FSHR: variants seen among roughly 807,000 people sequenced by gnomAD.
FSHR encodes the protein follicle-stimulating hormone receptor.
A neutral mutation model predicts 52.1 loss-of-function variants in FSHR; 46 were observed. The observed-to-expected ratio is 0.88, with a 90% CI of 0.70 to 1.13. The LOEUF is 1.13. Ranked by LOEUF, FSHR falls within the 50% of genes most tolerant of loss-of-function variation. The pLI, the probability that FSHR is intolerant of heterozygous loss-of-function variation, is 0.00. For missense variants in FSHR, 964 were observed against 834.6 expected, an observed-to-expected ratio of 1.16 and a Z score of -1.91; for synonymous variants, 399 against 309.6, an observed-to-expected ratio of 1.29 and a Z score of -3.03.
intron 2 of FSHR, among the ~76,000 whole-genome samples, chr2:49,042,735 C>T (rs1668519999): frequency 6.6e-6 from 1 of 152,172 alleles, no homozygotes; most frequent in African/African-American, 2.4e-5. Flanking sequence ...TGAGGTTTGT[C>T]ATTCCTAGAC....
chr2:49,043,977 A>G (rs1668569945), intron 2 of FSHR, among the ~76,000 whole-genome samples: 1 of 152,162 alleles, frequency 6.6e-6, no homozygotes, highest in Non-Finnish European at 1.5e-5. Context: ...ACGTCTTTCA[A>G]CTGCTTTGGC....
chr2:48,968,906 T>C (rs369531965), intron 8 of FSHR, 23 bp from the exon 9 acceptor site: 20 of 1,606,540 alleles, frequency 1.2e-5, no homozygotes, highest in Non-Finnish European at 1.6e-5. Context: ...AAGGTAAATA[T>C]AACAGGATTA....
intron 1 of FSHR, among the ~76,000 whole-genome samples, chr2:49,105,406 C>T (rs1671187344): frequency 6.6e-6 from 1 of 152,072 alleles, no homozygotes; most frequent in Non-Finnish European, 1.5e-5. Flanking sequence ...AGTTCAAGGG[C>T]AAGGTGAGGG....
intron 2 of FSHR, 41 bp from the exon 3 acceptor site, chr2:49,020,201 C>G: frequency 6.7e-7 from 1 of 1,493,998 alleles, no homozygotes; most frequent in Admixed American, 1.7e-5. Context: ...AGTTCAGTTA[C>G]ACTCCTTGAA....
intron 1 of FSHR, among the ~76,000 whole-genome samples, chr2:49,087,879 T>A (rs1670459244): frequency 6.6e-6 from 1 of 152,214 alleles, no homozygotes; most frequent in Non-Finnish European, 1.5e-5. Flanking sequence ...CCAATTTTAA[T>A]TATATTGAGA....
intron 1 of FSHR, among the ~76,000 whole-genome samples, chr2:49,128,002 C>T (rs554186428): frequency 1.3e-5 from 2 of 150,896 alleles, no homozygotes; most frequent in Admixed American, 6.6e-5. Context: ...AAGCAATTCT[C>T]AGGCCTCAGC....
At chr2:48,981,318 A>AACTTTCCT (rs1675238534) in intron 8 of FSHR, among the ~76,000 whole-genome samples, 1 of 152,168 alleles carries the variant, frequency 6.6e-6, no homozygotes, top group Non-Finnish European at 1.5e-5. Context: ...TATGAGGAGG[A>AACTTTCCT]ACTTTCCTTT....
chr2:49,025,500 C>T (rs1403625788), intron 2 of FSHR, among the ~76,000 whole-genome samples: 1 of 151,944 alleles, frequency 6.6e-6, no homozygotes, highest in Non-Finnish European at 1.5e-5. Flanking sequence ...ATGTTGTATA[C>T]CTTGTGATAT....
intron 2 of FSHR, among the ~76,000 whole-genome samples, chr2:49,065,768 C>T (rs1400401407): frequency 6.6e-6 from 1 of 151,558 alleles, no homozygotes; most frequent in African/African-American, 2.4e-5. Context: ...AAGAAAATGG[C>T]CAAAAAATAG....
At chr2:49,061,713 T>C (rs1043088921) in intron 2 of FSHR, among the ~76,000 whole-genome samples, 1 of 141,268 alleles carries the variant, frequency 7.1e-6, no homozygotes, top group Admixed American at 7.3e-5. Context: ...ATATTATATA[T>C]AACTATATAT....
intron 2 of FSHR, among the ~76,000 whole-genome samples, chr2:49,058,112 C>T (rs574096620): frequency 6.6e-6 from 1 of 152,234 alleles, no homozygotes; most frequent in Admixed American, 6.5e-5. Flanking sequence ...TGGAATGTTA[C>T]AATAATTCCC....
intron 1 of FSHR, among the ~76,000 whole-genome samples, chr2:49,127,223 G>T (rs1171838007): frequency 2.6e-5 from 4 of 152,002 alleles, no homozygotes; most frequent in Admixed American, 6.6e-5. Flanking sequence ...AGCTACTTGG[G>T]AGGCTGAGGC....
chr2:49,038,657 A>G (rs889771976), intron 2 of FSHR, among the ~76,000 whole-genome samples: 3 of 146,986 alleles, frequency 2.0e-5, no homozygotes, highest in Non-Finnish European at 4.5e-5. Context: ...TAATAATAAT[A>G]ATAATAATAA....
chr2:49,129,753 C>A lies in FSHR; in HGVS notation c.152+24513G>T, dbSNP rs571487189. On this transcript the variant is annotated intron_variant, in intron 1 of 9. Coordinates refer to ENST00000406846, the MANE Select transcript of FSHR (RefSeq NM_000145.4). ...ATGAGATAATGTGTTATCTCAAAAA[C>A]CTTTAGTTTATATAGTATTCTCATA... Among the ~76,000 whole-genome samples the A allele has an allele frequency of 2.0e-5, 3 of 152,210 alleles. No homozygotes were observed. In the South Asian group the frequency reaches 6.2e-4, roughly 32 times the overall value.
At chr2:49,086,974 G>A (rs951534973) in intron 1 of FSHR, among the ~76,000 whole-genome samples, 21 of 151,304 alleles carry the variant, frequency 1.4e-4, no homozygotes, top group African/African-American at 4.4e-4. Flanking sequence ...TGATTTTCAC[G>A]TGTGGTCAAT....
intron 8 of FSHR, among the ~76,000 whole-genome samples, chr2:48,978,403 A>G (rs1559089533): frequency 6.6e-6 from 1 of 152,232 alleles, no homozygotes; most frequent in Admixed American, 6.5e-5. Flanking sequence ...TTTACTATCT[A>G]TAGGACTGTG....
Position 48,983,105 on chromosome 2 carries a change from C to A in FSHR, c.586G>T (p.Asp196Tyr). The A allele has an allele frequency of 6.2e-7, 1 of 1,614,082 alleles. No individual in the cohort carries two copies. ...HNCAFNGTQL[D>Y]ELNLSDNNNL... The stretch of plus-strand genomic sequence containing the variant: ...ATAGTCAGGGCTACTTACAGCTCAT[C>A]TAGTTGGGTTCCATTGAATGCACAG... Residue 196 changes from aspartate (D) to tyrosine (Y), a missense_variant, in exon 7 of 10, where the codon GAT becomes TAT. Physicochemically the swap from Asp to Tyr is radical, Grantham distance 160. Coordinates refer to ENST00000406846, the MANE Select transcript of FSHR (RefSeq NM_000145.4).
intron 6 of FSHR, among the ~76,000 whole-genome samples, chr2:48,987,488 G>A (rs1675563027): frequency 6.6e-6 from 1 of 152,016 alleles, no homozygotes; most frequent in Non-Finnish European, 1.5e-5. Context: ...TGGATTACAG[G>A]CATGAGCCAC....
chr2:49,014,593 C>A (rs1922482), intron 4 of FSHR: 116,102 of 231,914 alleles, frequency 0.5, 31,130 homozygotes, highest in East Asian at 0.89. Context: ...GGTCCTCATT[C>A]ATAAGAACAA....
Sources: gnomAD v4.1 joint callset for allele counts (sites outside exome capture counted in the v4.1 genomes callset) on GRCh38, gnomAD v4.1.1 for gene constraint, MANE v1.5 for transcripts, NCBI Gene and HGNC (gene_info 2026-07-23, HGNC 2026-07-21) for gene names.